The following POU2F1 variants were observed in gnomAD, a reference collection of about 807,000 sequenced individuals.
POU2F1 encodes POU class 2 homeobox 1.
Under a neutral mutation model 84.9 loss-of-function variants are expected in POU2F1, and 16 were observed. The ratio of observed to expected loss-of-function variants is 0.19; its 90% confidence interval spans 0.13 to 0.29. The LOEUF is 0.29. POU2F1 is among the 10% of genes least tolerant of loss of function. The probability of loss-of-function intolerance (pLI) is 1.00; values close to 1 mark genes in which losing one functional copy is unlikely to be tolerated. For missense variants in POU2F1, 738 were observed against 942.6 expected (o/e 0.78, Z 2.84); for synonymous variants, 368 against 368.3 (o/e 1.00, Z 0.01).
At chr1:167,386,169 T>A (rs142532954) in intron 8 of POU2F1, among the ~76,000 whole-genome samples, 262 of 152,230 alleles carry the variant, frequency 1.7e-3, no homozygotes, top group African/African-American at 6.1e-3. Context: ...TATACACACT[T>A]TGGAAATTAT....
chr1:167,387,318 A>G (rs964197012), intron 8 of POU2F1: 3 of 438,428 alleles, frequency 6.8e-6, no homozygotes, highest in African/African-American at 4.0e-5. Flanking sequence ...TGAAGTAACA[A>G]TGTGATAGTT....
chr1:167,386,249 G>T (rs1312896383), intron 8 of POU2F1, among the ~76,000 whole-genome samples: 2 of 152,184 alleles, frequency 1.3e-5, no homozygotes, highest in African/African-American at 2.4e-5. Context: ...CTGGAGTGCA[G>T]TGGCACAATC....
At chr1:167,315,215 C>A (rs1161026073) in intron 1 of POU2F1, among the ~76,000 whole-genome samples, 1 of 152,188 alleles carries the variant, frequency 6.6e-6, no homozygotes, top group African/African-American at 2.4e-5. Context: ...CTAATACATA[C>A]ATATGCCCTA....
chr1:167,399,083 A>G (rs1485300110), intron 11 of POU2F1, 103 bp from the exon 12 acceptor site: 2 of 1,154,402 alleles, frequency 1.7e-6, no homozygotes, highest in Non-Finnish European at 2.4e-6. Context: ...GTGGATGGTC[A>G]TATGTATCCC....
At chr1:167,397,448 C>T (rs1046852340) in intron 10 of POU2F1, among the ~76,000 whole-genome samples, 2 of 152,060 alleles carry the variant, frequency 1.3e-5, no homozygotes, top group Admixed American at 1.3e-4. Context: ...AAACAGAAAT[C>T]CAAACATAGT....
chr1:167,349,496 C>T (rs553471008), intron 2 of POU2F1, among the ~76,000 whole-genome samples: 5 of 152,182 alleles, frequency 3.3e-5, no homozygotes, highest in South Asian at 2.1e-4. Flanking sequence ...GTAAGCTCCA[C>T]GAAGGACATT....
chr1:167,328,354 G>A (rs113358238), intron 1 of POU2F1, among the ~76,000 whole-genome samples: 5 of 152,246 alleles, frequency 3.3e-5, no homozygotes, highest in East Asian at 1.9e-4. Flanking sequence ...CTGTTGCCTC[G>A]TTTTAAAGTG....
intron 1 of POU2F1, among the ~76,000 whole-genome samples, chr1:167,327,496 C>G (rs1003902755): frequency 5.3e-5 from 8 of 152,166 alleles, no homozygotes; most frequent in African/African-American, 1.9e-4. Context: ...TACTGACTTG[C>G]AAGGGAATCT....
intron 1 of POU2F1, among the ~76,000 whole-genome samples, chr1:167,245,239 A>C (rs903110907): frequency 2.6e-5 from 4 of 151,080 alleles, no homozygotes; most frequent in African/African-American, 7.3e-5. Flanking sequence ...TGTGACTCAA[A>C]TTTCTTTTTT....
chr1:167,272,080 T>C (rs1652405198), intron 1 of POU2F1, among the ~76,000 whole-genome samples: 1 of 152,196 alleles, frequency 6.6e-6, no homozygotes, highest in African/African-American at 2.4e-5. Context: ...AACACTAAAA[T>C]GTTTACTTTC....
At chr1:167,380,894 AT>A (rs1647485904) in intron 7 of POU2F1, 3 of 152,202 alleles carry the variant, frequency 2.0e-5, no homozygotes, top group Admixed American at 1.3e-4. Context: ...ATTATTTTTC[AT>A]GGGAAAATTC....
chr1:167,349,112 G>A (rs377434691), intron 2 of POU2F1, among the ~76,000 whole-genome samples: 165 of 152,080 alleles, frequency 1.1e-3, no homozygotes, highest in African/African-American at 3.5e-3. Context: ...ATTTTTTAAC[G>A]TGGCCACGGT....
chr1:167,272,900 A>G (rs984562747), intron 1 of POU2F1, among the ~76,000 whole-genome samples: 2 of 152,168 alleles, frequency 1.3e-5, no homozygotes, highest in Admixed American at 6.5e-5. Flanking sequence ...CATTAACTCA[A>G]AAGTCCACAA....
At chr1:167,276,850 C>T (rs748793537) in intron 1 of POU2F1, among the ~76,000 whole-genome samples, 4 of 151,522 alleles carry the variant, frequency 2.6e-5, no homozygotes, top group Non-Finnish European at 5.9e-5. Context: ...GTAGATAGAA[C>T]AAAAAAGATG....
intron 6 of POU2F1, among the ~76,000 whole-genome samples, chr1:167,375,648 C>T (rs1048030708): frequency 1.3e-5 from 2 of 152,062 alleles, no homozygotes; most frequent in African/African-American, 2.4e-5. Context: ...AGACATAACA[C>T]GATCAATTTT....
intron 1 of POU2F1, among the ~76,000 whole-genome samples, chr1:167,315,442 A>G (rs1399205619): frequency 6.6e-6 from 1 of 152,116 alleles, no homozygotes; most frequent in Non-Finnish European, 1.5e-5. Context: ...TAAAACTTAG[A>G]AACAGCCAAA....
intron 2 of POU2F1, among the ~76,000 whole-genome samples, chr1:167,339,947 C>T (rs945252109): frequency 1.8e-4 from 28 of 152,106 alleles, no homozygotes; most frequent in African/African-American, 6.3e-4. Context: ...CTCATTTAAT[C>T]CTTATAAAAA....
chr1:167,391,141 T>C (rs906578914), intron 9 of POU2F1, among the ~76,000 whole-genome samples: 2 of 152,204 alleles, frequency 1.3e-5, no homozygotes, highest in Admixed American at 1.3e-4. Flanking sequence ...GGTCTCGCTA[T>C]GTTGGCCAGG....
chr1:167,296,244 GAGCTT>G (rs1299733090), intron 1 of POU2F1, among the ~76,000 whole-genome samples: 3 of 152,110 alleles, frequency 2.0e-5, no homozygotes, highest in African/African-American at 7.2e-5. Flanking sequence ...TAAGCAACCT[GAGCTT>G]AGTATTTGAA....
Sources: allele counts gnomAD v4.1 joint callset (sites outside exome capture counted in the v4.1 genomes callset), GRCh38; gene constraint gnomAD v4.1.1; transcripts MANE v1.5; gene names NCBI Gene and HGNC (gene_info 2026-07-23, HGNC 2026-07-21).